The following MDH1 variants were observed in gnomAD, a reference collection of about 807,000 sequenced individuals.
The protein encoded by MDH1 is malate dehydrogenase 1.
MDH1 carries 15 observed loss-of-function variants against 38.7 expected under a neutral mutation model. The observed-to-expected ratio is 0.39, with a 90% CI of 0.26 to 0.60. MDH1 has a LOEUF of 0.60. Among genes scored for constraint, MDH1 ranks in the 20% least tolerant of loss-of-function variants. The pLI is 0.56. For missense variants in MDH1, 368 were observed against 405.2 expected, an observed-to-expected ratio of 0.91 and a Z score of 0.79; for synonymous variants, 144 against 143.6, an observed-to-expected ratio of 1.00 and a Z score of -0.02.
intron 3 of MDH1, among the ~76,000 whole-genome samples, chr2:63,596,215 GTAAGGATTAAT>G (rs1306001569): frequency 1.3e-5 from 2 of 152,024 alleles, no homozygotes; most frequent in African/African-American, 4.8e-5. Context: ...CTTTCTTTTG[GTAAGGATTAAT>G]TAATGATACT....
intron 1 of MDH1, 27 bp downstream of exon 1, chr2:63,589,073 C>T (rs775228839): frequency 6.2e-7 from 1 of 1,614,106 alleles, no homozygotes; most frequent in Non-Finnish European, 8.5e-7. Flanking sequence ...GGTTCCTGCC[C>T]ACCTCTGGCC....
rs1709290003 is a variant in MDH1, at chr2:63,595,424, C to G, written c.104C>G (p.Pro35Arg). Residue 35 changes from proline (P) to arginine (R), a missense_variant and splice_region_variant, in exon 3 of 9, where the codon CCT (proline) becomes CGT (arginine). By Grantham distance (103) the Pro-to-Arg change is moderately radical. Coordinates refer to ENST00000233114, the MANE Select transcript of MDH1 (RefSeq NM_005917.4). ...GATGCTGTCCTTGCTATTTGGTAGC[C>G]TATAATTCTTGTGCTGTTGGATATC... ...GNGSVFGKDQ[P>R]IILVLLDITP... 1 of 1,596,280 alleles carries G rather than the reference C, an allele frequency of 6.3e-7. No homozygotes were observed. The highest frequency in any genetic ancestry group is 8.6e-7 in the Non-Finnish European group (1 of 1,163,926).
rs576165451 is a variant in MDH1, at chr2:63,599,155, T to C, written c.376-15T>C. 1.3e-4 allele frequency: 215 copies of C among 1,611,988 alleles called. 3 individuals carry two copies. In the South Asian group the frequency reaches 2.3e-3, roughly 17 times the overall value. ...ATATAGTCTGTAACTCTTCAGTGCC[T>C]TCCATTCCTCCTAGGTTATTGTTGT... On this transcript the variant is annotated splice_polypyrimidine_tract_variant and intron_variant, in intron 4 of 8. Coordinates refer to ENST00000233114, the MANE Select transcript of MDH1 (RefSeq NM_005917.4).
Position 63,594,522 on chromosome 2 carries a change from C to T in MDH1, c.38C>T (p.Ala13Val). The change falls in exon 2 of 9, where the codon GCT (alanine) becomes GTT (valine). Residue 13 changes from alanine to valine, a missense_variant. Ala to Val is a moderately conservative substitution (Grantham distance 64). Transcript: ENST00000233114. ...ATCAGAGTCCTTGTGACTGGAGCAG[C>T]TGGTCAAATTGCATATTCACTGCTG... ...EPIRVLVTGA[A>V]GQIAYSLLYS... 1 of 1,613,874 alleles carries T rather than the reference C, an allele frequency of 6.2e-7. No individual in the cohort carries two copies. The highest frequency in any genetic ancestry group is 8.5e-7 in the Non-Finnish European group (1 of 1,179,830).
At chr2:63,592,697 C>T (rs1709223641) in intron 1 of MDH1, among the ~76,000 whole-genome samples, 1 of 152,202 alleles carries the variant, frequency 6.6e-6, no homozygotes. Flanking sequence ...TTTTAAAGCA[C>T]GTTACATATG....
intron 2 of MDH1, 171 bp downstream of exon 2, chr2:63,594,757 T>A: frequency 5.5e-6 from 3 of 545,456 alleles, no homozygotes; most frequent in Non-Finnish European, 9.7e-6. Context: ...TATGTACGCC[T>A]CCAGGCACTG....
intron 5 of MDH1, chr2:63,599,979 G>A (rs1025704071): frequency 3.3e-5 from 5 of 152,224 alleles, no homozygotes; most frequent in Non-Finnish European, 7.3e-5. Flanking sequence ...CCTGGTGCCC[G>A]TTCTTGGACA....
At chr2:63,600,816 G>A (rs745953375) in intron 5 of MDH1, among the ~76,000 whole-genome samples, 2 of 152,178 alleles carry the variant, frequency 1.3e-5, no homozygotes, top group Non-Finnish European at 2.9e-5. Context: ...TTTGAGTTCT[G>A]TGGGACAGTT....
intron 4 of MDH1, 200 bp downstream of exon 4, chr2:63,597,774 C>A: frequency 2.6e-6 from 1 of 388,470 alleles, no homozygotes; most frequent in Non-Finnish European, 4.4e-6. Flanking sequence ...ATTCAGAGTG[C>A]TCAAAAATAT....
intron 5 of MDH1, among the ~76,000 whole-genome samples, chr2:63,603,505 T>A (rs565073875): frequency 1.1e-4 from 17 of 152,228 alleles, no homozygotes; most frequent in African/African-American, 4.1e-4. Context: ...CTTAAAATAT[T>A]TTTCCACATT....
At chr2:63,606,496 T>C (rs1709532680) in intron 8 of MDH1, among the ~76,000 whole-genome samples, 1 of 152,222 alleles carries the variant, frequency 6.6e-6, no homozygotes, top group Non-Finnish European at 1.5e-5. Context: ...GTTTTTATGA[T>C]TGAAATTAAT....
intron 5 of MDH1, among the ~76,000 whole-genome samples, chr2:63,602,331 C>T (rs1368915176): frequency 3.4e-5 from 4 of 116,908 alleles, no homozygotes; most frequent in Non-Finnish European, 7.3e-5. Context: ...TTATCCTTTT[C>T]GGTTGGTTGG....
rs768915244 is a variant in MDH1 at position 63,595,535 on chromosome 2, G to A, written c.199+16G>A. 5.4e-6 allele frequency: 8 copies of A among 1,478,658 alleles called. No homozygotes were observed. The East Asian group carries it at 1.4e-4, about 25-fold the overall frequency. 91.6% of individuals were successfully genotyped at this position (1,478,658 alleles called of 1,614,324 possible). On this transcript the variant is annotated intron_variant, in intron 3 of 8. Coordinates refer to ENST00000233114, the MANE Select transcript of MDH1 (RefSeq NM_005917.4). ...CTCCTGAAAGGTGGGTTGGGGAGTA[G>A]AGAAGGGATTTTATGGTATTTGATT...
chr2:63,604,493 G>T (rs1709489847), intron 5 of MDH1, among the ~76,000 whole-genome samples: 1 of 152,208 alleles, frequency 6.6e-6, no homozygotes, highest in Non-Finnish European at 1.5e-5. Context: ...AAGGTTTCAA[G>T]TCCACAGTTG....
At chr2:63,599,815 G>C (rs935693638) in intron 5 of MDH1, 1 of 152,128 alleles carries the variant, frequency 6.6e-6, no homozygotes, top group African/African-American at 2.4e-5. Flanking sequence ...CTACTTAGGA[G>C]CTAAAGTCTG....
chr2:63,596,924 A>T (rs1246486845), intron 3 of MDH1, among the ~76,000 whole-genome samples: 1 of 152,212 alleles, frequency 6.6e-6, no homozygotes, highest in Admixed American at 6.5e-5. Flanking sequence ...TCAGAAGATT[A>T]AATTTGATAG....
At chr2:63,593,614 C>G (rs1234313420) in intron 1 of MDH1, 1 of 471,568 alleles carries the variant, frequency 2.1e-6, no homozygotes, top group Non-Finnish European at 4.4e-6. Context: ...ATCAGTGGAC[C>G]ATTTCTCCAT....
chr2:63,591,015 A>G (rs1709192150), intron 1 of MDH1: 1 of 152,222 alleles, frequency 6.6e-6, no homozygotes, highest in African/African-American at 2.4e-5. Flanking sequence ...ATTTAGAAAT[A>G]TATATAAATT....
intron 4 of MDH1, 88 bp from the exon 5 acceptor site, chr2:63,599,078 GCTAC>G: frequency 7.5e-7 from 1 of 1,329,424 alleles, no homozygotes; most frequent in Non-Finnish European, 1.0e-6. Flanking sequence ...CTGTACAAAG[GCTAC>G]CTGTTAGACA....
Sources: allele counts gnomAD v4.1 joint callset (sites outside exome capture counted in the v4.1 genomes callset), GRCh38; gene constraint gnomAD v4.1.1; transcripts MANE v1.5; gene names NCBI Gene and HGNC (gene_info 2026-07-23, HGNC 2026-07-21).